RAB9B: variants seen among roughly 807,000 people sequenced by gnomAD.
RAB9B encodes the protein ras-related protein Rab-9B.
In RAB9B, 1 loss-of-function variant was observed where a neutral mutation model predicts 8.9. The observed-to-expected ratio is 0.11, with a 90% CI of 0.04 to 0.53. The LOEUF is 0.53. RAB9B is among the 20% of genes least tolerant of loss of function. The pLI is 0.93. For missense variants in RAB9B, 82 were observed against 152.9 expected, an observed-to-expected ratio of 0.54 and a Z score of 2.45; for synonymous variants, 63 against 57.0, an observed-to-expected ratio of 1.10 and a Z score of -0.47.
chrX:103,815,276 G>C, the RAB9B span, among the ~76,000 whole-genome samples: 2 of 112,335 alleles, frequency 1.8e-5, no homozygotes, highest in African/African-American at 6.5e-5. Flanking sequence ...GGGATGCAAG[G>C]CTGGTTCAAC....
intron 1 of RAB9B, among the ~76,000 whole-genome samples, chrX:103,827,872 G>T (rs1014387239): frequency 4.1e-4 from 45 of 111,063 alleles, no homozygotes; most frequent in African/African-American, 1.3e-3. Flanking sequence ...TCACCATGTT[G>T]CCCAGGTTGG....
the RAB9B span, chrX:103,789,454 C>A: frequency 1.1e-6 from 1 of 908,781 alleles, no homozygotes; most frequent in Non-Finnish European, 1.6e-6. Context: ...AGTGTGGGTA[C>A]AGCTATTCTG....
At chrX:103,809,588 C>G in the RAB9B span, among the ~76,000 whole-genome samples, 1 of 112,223 alleles carries the variant, frequency 8.9e-6, no homozygotes, top group Non-Finnish European at 1.9e-5. Flanking sequence ...GCGTGACCCA[C>G]CATGCTCGGC....
At chrX:103,803,573 A>T in the RAB9B span, among the ~76,000 whole-genome samples, 1 of 112,374 alleles carries the variant, frequency 8.9e-6, no homozygotes, top group East Asian at 2.8e-4. Flanking sequence ...TACTTTACAT[A>T]TTTTTATTTA....
the RAB9B span, among the ~76,000 whole-genome samples, chrX:103,816,875 A>G: frequency 1.8e-5 from 2 of 112,560 alleles, no homozygotes; most frequent in Admixed American, 9.4e-5. Flanking sequence ...CAAAACCACA[A>G]TGAGATACCT....
chrX:103,813,371 A>T, the RAB9B span, among the ~76,000 whole-genome samples: 1 of 111,049 alleles, frequency 9.0e-6, no homozygotes, highest in South Asian at 3.8e-4. Context: ...ATTTTTCTAA[A>T]AAACCTGTTT....
the RAB9B span, chrX:103,788,077 A>T: frequency 1.6e-6 from 1 of 615,042 alleles, no homozygotes; most frequent in South Asian, 2.3e-5. Context: ...ATATAAGATG[A>T]TGAATGATTG....
chrX:103,786,465 G>A, the RAB9B span: 1 of 1,208,544 alleles, frequency 8.3e-7, no homozygotes. Flanking sequence ...GTTAATGCAG[G>A]ATCCATGCCT....
At chrX:103,805,473 T>C in the RAB9B span, among the ~76,000 whole-genome samples, 1 of 111,519 alleles carries the variant, frequency 9.0e-6, no homozygotes, top group African/African-American at 3.3e-5. Context: ...CTCTTTTACC[T>C]GGCTTTGGTA....
the RAB9B span, among the ~76,000 whole-genome samples, chrX:103,813,537 A>G: frequency 9.2e-6 from 1 of 108,834 alleles, no homozygotes; most frequent in Admixed American, 1.0e-4. Context: ...ATCTTGGCTC[A>G]CTGCAACCTC....
chrX:103,795,201 G>A, the RAB9B span, among the ~76,000 whole-genome samples: 7 of 109,278 alleles, frequency 6.4e-5, no homozygotes, highest in African/African-American at 2.3e-4. Flanking sequence ...AGAAACAGTG[G>A]AAAAGATAGA....
chrX:103,828,352 C>T (rs1366016458), intron 1 of RAB9B, among the ~76,000 whole-genome samples: 1 of 112,174 alleles, frequency 8.9e-6, no homozygotes, highest in Non-Finnish European at 1.9e-5. Context: ...TAATTTTTGT[C>T]CTCTTTTTCC....
the RAB9B span, among the ~76,000 whole-genome samples, chrX:103,781,802 C>T: frequency 8.9e-6 from 1 of 112,342 alleles, no homozygotes; most frequent in Admixed American, 9.4e-5. Flanking sequence ...TTTATGCCAA[C>T]TCTCTCATCT....
the RAB9B span, among the ~76,000 whole-genome samples, chrX:103,780,435 C>CTGTGTGTGTGTGTG: frequency 1.2e-3 from 80 of 68,345 alleles, no homozygotes; most frequent in Admixed American, 2.9e-3. Flanking sequence ...CATTCTGTCT[C>CTGTGTGTGTGTGTG]TCTCTGTGTG....
downstream of RAB9B, among the ~76,000 whole-genome samples, chrX:103,821,398 C>G (rs1312779183): frequency 9.2e-6 from 1 of 109,272 alleles, no homozygotes; most frequent in African/African-American, 3.3e-5. Flanking sequence ...TCCCCACCCC[C>G]AATTTCAACT....
chrX:103,779,496 G>A, the RAB9B span, among the ~76,000 whole-genome samples: 1 of 112,148 alleles, frequency 8.9e-6, no homozygotes, highest in Non-Finnish European at 1.9e-5. Flanking sequence ...CCAGATCCCA[G>A]CCAGCATGTT....
chrX:103,790,980 G>C, the RAB9B span: 1 of 228,118 alleles, frequency 4.4e-6, no homozygotes, highest in Non-Finnish European at 7.9e-6. Flanking sequence ...AAGATGCTCA[G>C]GTACAGAGAA....
At chrX:103,794,529 G>A in the RAB9B span, among the ~76,000 whole-genome samples, 1 of 111,397 alleles carries the variant, frequency 9.0e-6, no homozygotes, top group Non-Finnish European at 1.9e-5. Flanking sequence ...GAGAAGCCAA[G>A]GAAGGGTAAT....
the RAB9B span, chrX:103,788,040 G>A: frequency 1.2e-6 from 1 of 833,817 alleles, no homozygotes; most frequent in Non-Finnish European, 1.8e-6. Flanking sequence ...TTTTCTTAGT[G>A]TAAGGAGGGT....
Sources: gnomAD v4.1 joint callset for allele counts (sites outside exome capture counted in the v4.1 genomes callset) on GRCh38, gnomAD v4.1.1 for gene constraint, MANE v1.5 for transcripts, NCBI Gene and HGNC (gene_info 2026-07-23, HGNC 2026-07-21) for gene names.